The following TET1 variants were observed in gnomAD, a reference collection of about 807,000 sequenced individuals.
TET1 encodes tet methylcytosine dioxygenase 1.
A neutral mutation model predicts 148.7 loss-of-function variants in TET1; 13 were observed. That is an observed-to-expected ratio of 0.09 (90% CI 0.06 to 0.14). The LOEUF (loss-of-function observed/expected upper bound fraction) is 0.14. TET1 is among the 10% of genes least tolerant of loss of function. The probability of loss-of-function intolerance (pLI) is 1.00; values close to 1 mark genes in which losing one functional copy is unlikely to be tolerated. For synonymous variants in TET1, 907 were observed against 937.2 expected, an observed-to-expected ratio of 0.97 and a Z score of 0.59; for missense variants, 2,182 against 2,553.8, an observed-to-expected ratio of 0.85 and a Z score of 3.14.
chr10:68,585,354 G>A (rs554015807), intron 2 of TET1, among the ~76,000 whole-genome samples: 5 of 152,108 alleles, frequency 3.3e-5, no homozygotes, highest in African/African-American at 9.6e-5. Context: ...GGGTGGTCTT[G>A]AACTCCTGAC....
chr10:68,632,565 G>C lies in TET1; in HGVS notation c.1969-12133G>C, dbSNP rs556141573. The C allele has an allele frequency of 1.0e-5, 16 of 1,604,840 alleles. No individual in the cohort carries two copies. The African/African-American group carries it at 1.7e-4, about 17-fold the overall frequency. On this transcript the variant is annotated intron_variant, in intron 3 of 11. Coordinates refer to ENST00000373644, the MANE Select transcript of TET1 (RefSeq NM_030625.3). ...GATCATGTGATGTTGGAGTAGGGGG[G>C]TTTATCTTGGTGACTTTGGGATGCT...
intron 2 of TET1, among the ~76,000 whole-genome samples, chr10:68,576,912 T>G (rs1033741902): frequency 7.6e-6 from 1 of 131,754 alleles, no homozygotes; most frequent in Non-Finnish European, 1.7e-5. Flanking sequence ...TGGCTAATTT[T>G]TGTATTTTTT....
chr10:68,681,391 T>C lies in TET1; in HGVS notation c.4825-8T>C. On this transcript the variant is annotated splice_polypyrimidine_tract_variant and splice_region_variant and intron_variant, in intron 8 of 11. Transcript: ENST00000373644. ...ATAAAATACCTAATGGATTCTGTTT[T>C]CCTATAGGAAAAAAACCTTGAAGAT... 1 of 1,600,748 alleles carries C rather than the reference T, an allele frequency of 6.2e-7. No homozygotes were observed. The highest frequency in any genetic ancestry group is 1.1e-5 in the South Asian group (1 of 90,380).
intron 3 of TET1, among the ~76,000 whole-genome samples, chr10:68,627,982 TTTATTA>T: frequency 6.6e-6 from 1 of 151,832 alleles, no homozygotes; most frequent in Non-Finnish European, 1.5e-5. Flanking sequence ...CCCCCAAATA[TTTATTA>T]TTATTATTAC....
intron 2 of TET1, among the ~76,000 whole-genome samples, chr10:68,584,092 T>C (rs930640673): frequency 6.6e-6 from 1 of 150,468 alleles, no homozygotes; most frequent in Non-Finnish European, 1.5e-5. Flanking sequence ...CAGGCTAGAA[T>C]GCGGTGGCGC....
Position 68,586,020 on chromosome 10 carries a change from A to AT in TET1, c.1914+11777dup, listed in dbSNP as rs758072470. Among the ~76,000 whole-genome samples, 166 of 136,958 alleles carry AT rather than the reference A, an allele frequency of 1.2e-3. 2 individuals are homozygous for AT. Among genetic ancestry groups the AT allele is most frequent in the South Asian group, 3.6e-3 (15 of 4,176 alleles). The allele number at this position is 136,958 out of a possible 152,430, so 89.8% of individuals were successfully genotyped here. ...TCCATCTCAAAAAAAAAAAAAAAAAATTTTTTTTTGAGATAGAGTTGTTCT... is the reference window on the plus strand; with the variant it reads ...TCCATCTCAAAAAAAAAAAAAAAAAATTTTTTTTTTGAGATAGAGTTGTTCT... On this transcript the variant is annotated intron_variant, in intron 2 of 11. Transcript: ENST00000373644.
chr10:68,645,477 T>G lies in TET1; in HGVS notation c.2748T>G (p.Asp916Glu). The change falls in exon 4 of 12, where the codon GAT becomes GAG. Residue 916 changes from aspartate to glutamate, a missense_variant. Physicochemically the swap from Asp to Glu is conservative, Grantham distance 45. Transcript: ENST00000373644. ...ENSSPSKSEKDEESEQRTASL... is the reference protein window; with the variant it reads ...ENSSPSKSEKEEESEQRTASL... ...CCTCCCCATCAAAGTCAGAGAAGGA[T>G]GAGGAATCAGAGCAGAGAACAGCCA... 1 of 1,613,778 alleles carries G rather than the reference T, an allele frequency of 6.2e-7. No homozygotes were observed. Among genetic ancestry groups the G allele is most frequent in the Non-Finnish European group, 8.5e-7 (1 of 1,180,010 alleles).
At position 68,572,416 on chromosome 10, in the gene TET1, A is replaced by G; in HGVS notation, c.78A>G (p.Gln26=). ...EDVNKKKKNS[Q]LRKTTKGANK... ...TAAACAAAAAAAAGAAAAACAGCCA[A>G]CTACGAAAGACAACCAAGGGAGCCA... Residue 26 remains glutamine (Q), a synonymous_variant, in exon 2 of 12, where the codon CAA becomes CAG. Transcript: ENST00000373644. 6.2e-7 allele frequency: 1 copy of G among 1,613,516 alleles called. No individual in the cohort carries two copies. Among genetic ancestry groups the G allele is most frequent in the Middle Eastern group, 1.6e-4 (1 of 6,062 alleles).
chr10:68,585,098 G>A (rs758831155), intron 2 of TET1, among the ~76,000 whole-genome samples: 1 of 152,050 alleles, frequency 6.6e-6, no homozygotes, highest in Non-Finnish European at 1.5e-5. Context: ...TCTGCCTCCC[G>A]GGTTCAATCG....
chr10:68,605,318 A>G (rs2054108645), intron 3 of TET1, among the ~76,000 whole-genome samples: 1 of 152,148 alleles, frequency 6.6e-6, no homozygotes. Context: ...TACTAAAAAT[A>G]CAAAATTAGC....
At chr10:68,647,150 A>G (rs2054862862) in intron 4 of TET1, 145 bp downstream of exon 4, 2 of 930,540 alleles carry the variant, frequency 2.1e-6, no homozygotes, top group Non-Finnish European at 3.0e-6. Context: ...ATCTATAACC[A>G]TTTTTCTGTG....
chr10:68,583,768 G>A (rs1029548288), intron 2 of TET1, among the ~76,000 whole-genome samples: 2 of 151,990 alleles, frequency 1.3e-5, no homozygotes, highest in South Asian at 2.1e-4. Flanking sequence ...AAAATTAGCT[G>A]GGCATGATGG....
intron 3 of TET1, among the ~76,000 whole-genome samples, chr10:68,626,041 G>T (rs958315566): frequency 1.4e-4 from 20 of 147,632 alleles, no homozygotes; most frequent in African/African-American, 5.0e-4. Flanking sequence ...CCGAGATGGT[G>T]CCACTGCACT....
At chr10:68,655,805 C>T (rs2055013121) in intron 6 of TET1, among the ~76,000 whole-genome samples, 1 of 152,140 alleles carries the variant, frequency 6.6e-6, no homozygotes, top group African/African-American at 2.4e-5. Context: ...AGTGCACTAA[C>T]CCAGGGGACT....
At chr10:68,586,732 T>G (rs1451282930) in intron 2 of TET1, among the ~76,000 whole-genome samples, 2 of 152,106 alleles carry the variant, frequency 1.3e-5, no homozygotes, top group Non-Finnish European at 2.9e-5. Context: ...ATTTAGTTAT[T>G]TCCTATATGG....
chr10:68,599,129 T>C (rs2054022445), intron 2 of TET1, among the ~76,000 whole-genome samples: 1 of 152,250 alleles, frequency 6.6e-6, no homozygotes, highest in South Asian at 2.1e-4. Flanking sequence ...ACTGAAAGGC[T>C]AGGGATTAAG....
intron 3 of TET1, among the ~76,000 whole-genome samples, chr10:68,624,962 C>T (rs2054456322): frequency 6.6e-6 from 1 of 150,984 alleles, no homozygotes; most frequent in Admixed American, 6.6e-5. Flanking sequence ...TCTCGATCTC[C>T]TGACCTCGTG....
intron 3 of TET1, among the ~76,000 whole-genome samples, chr10:68,626,210 T>A (rs993570825): frequency 6.6e-6 from 1 of 152,130 alleles, no homozygotes; most frequent in Non-Finnish European, 1.5e-5. Context: ...AAATGTTTTC[T>A]TTTTTACTTT....
chr10:68,632,794 T>C, intron 3 of TET1: 1 of 1,208,042 alleles, frequency 8.3e-7, no homozygotes, highest in South Asian at 1.3e-5. Flanking sequence ...AAACATTTCA[T>C]GTGCAATAAG....
Sources: gnomAD v4.1 joint callset for allele counts (sites outside exome capture counted in the v4.1 genomes callset) on GRCh38, gnomAD v4.1.1 for gene constraint, MANE v1.5 for transcripts, NCBI Gene and HGNC (gene_info 2026-07-23, HGNC 2026-07-21) for gene names.